The following IFTAP variants were observed in gnomAD, a reference collection of about 807,000 sequenced individuals.
The protein encoded by IFTAP is intraflagellar transport-associated protein.
Under a neutral mutation model 19.4 loss-of-function variants are expected in IFTAP, and 19 were observed. The observed-to-expected ratio is 0.98, with a 90% CI of 0.68 to 1.44. The LOEUF is 1.44. Ranked by LOEUF, IFTAP falls within the 40% of genes most tolerant of loss-of-function variation. IFTAP has a pLI of 0.00. For synonymous variants in IFTAP, 85 were observed against 83.5 expected, an observed-to-expected ratio of 1.02 and a Z score of -0.10; for missense variants, 240 against 253.6, an observed-to-expected ratio of 0.95 and a Z score of 0.36.
chr11:36,632,151 G>C (rs1159881936), intron 2 of IFTAP, among the ~76,000 whole-genome samples: 1 of 151,094 alleles, frequency 6.6e-6, no homozygotes. Flanking sequence ...TCTTTAATCT[G>C]TAAAGTAAGG....
intron 4 of IFTAP, among the ~76,000 whole-genome samples, chr11:36,641,536 G>T (rs1168425103): frequency 6.6e-6 from 1 of 152,226 alleles, no homozygotes; most frequent in Non-Finnish European, 1.5e-5. Context: ...TATGTAGCCA[G>T]TACTCATTCA....
At chr11:36,627,095 TATC>T (rs1432363852) in intron 2 of IFTAP, among the ~76,000 whole-genome samples, 1 of 151,222 alleles carries the variant, frequency 6.6e-6, no homozygotes, top group Non-Finnish European at 1.5e-5. Flanking sequence ...AAAGACCACA[TATC>T]ATATGATTCC....
chr11:36,636,184 C>G, intron 4 of IFTAP, 67 bp downstream of exon 4: 1 of 1,258,646 alleles, frequency 7.9e-7, no homozygotes, highest in South Asian at 1.3e-5. Flanking sequence ...AGGCTTTAGA[C>G]AGCTTTCCTG....
chr11:36,633,147 A>T (rs1852793699), intron 2 of IFTAP, 137 bp from the exon 3 acceptor site: 1 of 651,046 alleles, frequency 1.5e-6, no homozygotes, highest in Non-Finnish European at 2.4e-6. Flanking sequence ...CAGAGTGCTT[A>T]ATGCCTCAAG....
intron 2 of IFTAP, among the ~76,000 whole-genome samples, chr11:36,612,901 CTG>C (rs1199960154): frequency 2.6e-5 from 4 of 152,004 alleles, no homozygotes; most frequent in African/African-American, 9.7e-5. Context: ...CATTTGGAAA[CTG>C]TTAATATTAT....
intron 2 of IFTAP, among the ~76,000 whole-genome samples, chr11:36,631,872 T>C (rs1852741882): frequency 6.6e-6 from 1 of 151,276 alleles, no homozygotes; most frequent in Non-Finnish European, 1.5e-5. Context: ...AGTTTTGGAA[T>C]GTACCCTGCA....
chr11:36,606,196 C>T (rs1011946379), intron 1 of IFTAP, among the ~76,000 whole-genome samples: 25 of 152,204 alleles, frequency 1.6e-4, no homozygotes, highest in African/African-American at 5.1e-4. Flanking sequence ...CAGTGGCGCA[C>T]GCCTGTAATC....
intron 2 of IFTAP, among the ~76,000 whole-genome samples, chr11:36,629,575 G>A (rs932630167): frequency 4.0e-5 from 6 of 151,284 alleles, no homozygotes; most frequent in African/African-American, 1.5e-4. Context: ...AGATTAATTT[G>A]AATTTTTAAA....
chr11:36,605,229 G>A (rs1484734745), intron 1 of IFTAP, among the ~76,000 whole-genome samples: 5 of 151,822 alleles, frequency 3.3e-5, no homozygotes, highest in African/African-American at 1.2e-4. Flanking sequence ...TTGAGTAAGT[G>A]GGCTTTGATA....
At chr11:36,614,884 A>T (rs1382150696) in intron 2 of IFTAP, among the ~76,000 whole-genome samples, 2 of 147,458 alleles carry the variant, frequency 1.4e-5, no homozygotes, top group Non-Finnish European at 3.0e-5. Context: ...GTTCACTCTG[A>T]TGGTAGTTTC....
chr11:36,633,620 C>A (rs1409886791), intron 3 of IFTAP, among the ~76,000 whole-genome samples, 182 bp downstream of exon 3: 1 of 152,106 alleles, frequency 6.6e-6, no homozygotes, highest in East Asian at 1.9e-4. Context: ...ATAATGTTGA[C>A]AGCTATTGTT....
At chr11:36,618,220 T>C (rs1270047583) in intron 2 of IFTAP, among the ~76,000 whole-genome samples, 1 of 151,766 alleles carries the variant, frequency 6.6e-6, no homozygotes, top group African/African-American at 2.4e-5. Flanking sequence ...ATAATTAGGG[T>C]TAAATGAGGT....
At chr11:36,623,910 G>A (rs1290880942) in intron 2 of IFTAP, among the ~76,000 whole-genome samples, 2 of 151,650 alleles carry the variant, frequency 1.3e-5, no homozygotes, top group Non-Finnish European at 2.9e-5. Flanking sequence ...TTTAAAAGAG[G>A]GACATCAAAG....
chr11:36,646,635 G>A (rs771760465), intron 4 of IFTAP, among the ~76,000 whole-genome samples: 9 of 152,122 alleles, frequency 5.9e-5, no homozygotes, highest in Non-Finnish European at 1.3e-4. Flanking sequence ...CTTATTTAAA[G>A]AAAGTTCGTA....
At chr11:36,652,236 G>T (rs898679620) in intron 5 of IFTAP, among the ~76,000 whole-genome samples, 1 of 152,200 alleles carries the variant, frequency 6.6e-6, no homozygotes, top group Admixed American at 6.5e-5. Context: ...GTTGAGCAGT[G>T]GTTTGTAGTT....
intron 1 of IFTAP, among the ~76,000 whole-genome samples, chr11:36,602,430 T>C (rs1851542402): frequency 6.6e-6 from 1 of 152,164 alleles, no homozygotes; most frequent in Admixed American, 6.5e-5. Context: ...AGTGGATGCC[T>C]TTGTGTCATA....
chr11:36,622,168 C>T (rs1852320871), intron 2 of IFTAP, among the ~76,000 whole-genome samples: 2 of 148,500 alleles, frequency 1.3e-5, no homozygotes, highest in Admixed American at 1.4e-4. Flanking sequence ...ATTTAAGTCT[C>T]CTCTTGAACT....
chr11:36,617,187 A>G (rs1565012087), intron 2 of IFTAP, among the ~76,000 whole-genome samples: 5 of 149,324 alleles, frequency 3.3e-5, no homozygotes, highest in Non-Finnish European at 7.4e-5. Flanking sequence ...TTTTATTTGT[A>G]TATTTATTTG....
At chr11:36,655,159 C>T (rs891385693) in intron 5 of IFTAP, among the ~76,000 whole-genome samples, 6 of 152,236 alleles carry the variant, frequency 3.9e-5, no homozygotes, top group East Asian at 1.9e-4. Context: ...TGCTACTCTC[C>T]GACTTACACT....
Sources: allele counts gnomAD v4.1 joint callset (sites outside exome capture counted in the v4.1 genomes callset), GRCh38; gene constraint gnomAD v4.1.1; transcripts MANE v1.5; gene names NCBI Gene and HGNC (gene_info 2026-07-23, HGNC 2026-07-21).